Variants in DSCAM observed in about 807,000 individuals in gnomAD.
The protein encoded by DSCAM is DS cell adhesion molecule, also known as cell adhesion molecule DSCAM.
DSCAM carries 47 observed loss-of-function variants against 217.7 expected under a neutral mutation model. The observed-to-expected ratio is 0.22, with a 90% confidence interval of 0.17 to 0.28. The LOEUF (loss-of-function observed/expected upper bound fraction) is 0.28, where lower values mean the gene tolerates loss of function less well. Among genes scored for constraint, DSCAM ranks in the 10% least tolerant of loss-of-function variants. DSCAM has a pLI of 1.00. For missense variants in DSCAM, 2,080 were observed against 2,618.3 expected (o/e 0.79, Z 4.49); for synonymous variants, 1,056 against 1,015.3 (o/e 1.04, Z -0.76).
chr21:40,145,635 A>G (rs958801551), intron 16 of DSCAM, among the ~76,000 whole-genome samples: 1 of 151,522 alleles, frequency 6.6e-6, no homozygotes, highest in South Asian at 2.1e-4. Flanking sequence ...ACTTGAGGTC[A>G]GGAGTTCAAG....
intron 16 of DSCAM, among the ~76,000 whole-genome samples, chr21:40,152,116 GAAA>G (rs10718861): frequency 6.8e-6 from 1 of 146,982 alleles, no homozygotes; most frequent in Non-Finnish European, 1.5e-5. Context: ...TAAGCATATG[GAAA>G]AAAAAAAACA....
At chr21:40,038,934 G>A (rs1484778237) in intron 32 of DSCAM, among the ~76,000 whole-genome samples, 23 of 147,880 alleles carry the variant, frequency 1.6e-4, no homozygotes, top group Admixed American at 3.4e-4. Flanking sequence ...ACCAAACGCC[G>A]CATATTCTCA....
intron 2 of DSCAM, among the ~76,000 whole-genome samples, chr21:40,698,036 T>C (rs532010685): frequency 4.6e-5 from 7 of 152,214 alleles, no homozygotes; most frequent in Non-Finnish European, 8.8e-5. Context: ...TTTTAGCATA[T>C]CTACTATAGG....
At chr21:40,776,805 C>T (rs2091492294) in intron 1 of DSCAM, among the ~76,000 whole-genome samples, 1 of 152,130 alleles carries the variant, frequency 6.6e-6, no homozygotes, top group African/African-American at 2.4e-5. Flanking sequence ...TGAGAGTGTT[C>T]TTCTTAAAAA....
chr21:40,562,399 T>C (rs2076727647), intron 3 of DSCAM, among the ~76,000 whole-genome samples: 1 of 152,220 alleles, frequency 6.6e-6, no homozygotes, highest in Non-Finnish European at 1.5e-5. Flanking sequence ...CCTAGCCATG[T>C]GGAACTGTGA....
chr21:40,360,225 G>A (rs552598874), intron 4 of DSCAM, among the ~76,000 whole-genome samples: 32 of 147,264 alleles, frequency 2.2e-4, no homozygotes, highest in Non-Finnish European at 4.2e-4. Flanking sequence ...TCTGCCTCCC[G>A]GGGTTCACAC....
At chr21:40,462,056 T>C (rs556469631) in intron 3 of DSCAM, among the ~76,000 whole-genome samples, 26 of 152,282 alleles carry the variant, frequency 1.7e-4, no homozygotes, top group South Asian at 1.0e-3. Context: ...GAAATGAATA[T>C]GGCAGAAAAG....
In DSCAM at chr21:40,126,647, A is replaced by C. The variant is rs539280641; in HGVS notation, c.3563-2319T>G. Among the ~76,000 whole-genome samples, 11 of 152,318 alleles carry C rather than the reference A, an allele frequency of 7.2e-5. No homozygotes were observed. The East Asian group carries it at 2.1e-3, about 29-fold the overall frequency. ...TACATATTTATATGTTTTAAGTTAA[A>C]ATGCAACATTTCAGGTACTTCCTGG... On this transcript the variant is annotated intron_variant, in intron 19 of 32. Coordinates refer to ENST00000400454, the MANE Select transcript of DSCAM (RefSeq NM_001389.5).
At chr21:40,487,725 A>G (rs1479337119) in intron 3 of DSCAM, among the ~76,000 whole-genome samples, 1 of 152,230 alleles carries the variant, frequency 6.6e-6, no homozygotes, top group African/African-American at 2.4e-5. Context: ...GAAGATGGGC[A>G]GCTTCTAGAA....
At chr21:40,619,980 A>G (rs2089459222) in intron 3 of DSCAM, among the ~76,000 whole-genome samples, 1 of 146,548 alleles carries the variant, frequency 6.8e-6, no homozygotes, top group Non-Finnish European at 1.5e-5. Context: ...GAAGGAAAAG[A>G]AAAAGAAAGA....
At chr21:40,480,098 C>G (rs939472423) in intron 3 of DSCAM, among the ~76,000 whole-genome samples, 1 of 152,166 alleles carries the variant, frequency 6.6e-6, no homozygotes, top group African/African-American at 2.4e-5. Flanking sequence ...CATTAAGAAA[C>G]AAGAACGCCA....
At chr21:40,208,609 T>C (rs1178191385) in intron 11 of DSCAM, among the ~76,000 whole-genome samples, 2 of 152,218 alleles carry the variant, frequency 1.3e-5, no homozygotes, top group Non-Finnish European at 1.5e-5. Flanking sequence ...CAGGAGTTCT[T>C]ACTCACCAGG....
chr21:40,538,921 T>C (rs758497371), intron 3 of DSCAM, among the ~76,000 whole-genome samples: 7 of 152,158 alleles, frequency 4.6e-5, no homozygotes, highest in Non-Finnish European at 8.8e-5. Context: ...GGTCAAGTAG[T>C]AGAGGATGAA....
At chr21:40,204,335 G>A (rs2091101540) in intron 11 of DSCAM, among the ~76,000 whole-genome samples, 1 of 152,186 alleles carries the variant, frequency 6.6e-6, no homozygotes, top group African/African-American at 2.4e-5. Context: ...GTTCATACCT[G>A]CCTGGGTGTC....
intron 15 of DSCAM, among the ~76,000 whole-genome samples, chr21:40,178,635 AT>A (rs1568984139): frequency 6.6e-6 from 1 of 152,170 alleles, no homozygotes; most frequent in African/African-American, 2.4e-5. Context: ...AAACAAAGGA[AT>A]TGTAAAACGG....
At chr21:40,732,073 T>C (rs746665252) in intron 1 of DSCAM, among the ~76,000 whole-genome samples, 4 of 152,134 alleles carry the variant, frequency 2.6e-5, no homozygotes, top group Non-Finnish European at 5.9e-5. Flanking sequence ...AATCACCTTC[T>C]GAGGTCAGTG....
At chr21:40,666,474 G>A (rs1407181530) in intron 3 of DSCAM, among the ~76,000 whole-genome samples, 1 of 152,164 alleles carries the variant, frequency 6.6e-6, no homozygotes, top group African/African-American at 2.4e-5. Context: ...ATCCCTGATA[G>A]AATTTTGCCA....
At chr21:40,017,083 A>G (rs1484117077) in intron 32 of DSCAM, among the ~76,000 whole-genome samples, 1 of 151,050 alleles carries the variant, frequency 6.6e-6, no homozygotes. Context: ...ATCCTGGGCA[A>G]CAAGGATGAA....
intron 10 of DSCAM, among the ~76,000 whole-genome samples, chr21:40,286,089 C>A (rs1157241033): frequency 1.3e-5 from 2 of 152,122 alleles, no homozygotes; most frequent in Non-Finnish European, 2.9e-5. Flanking sequence ...TGCAGATGCA[C>A]AGGCAGGGGT....
Sources: gnomAD v4.1 joint callset for allele counts (sites outside exome capture counted in the v4.1 genomes callset) on GRCh38, gnomAD v4.1.1 for gene constraint, MANE v1.5 for transcripts, NCBI Gene and HGNC (gene_info 2026-07-23, HGNC 2026-07-21) for gene names.